OSTC: variants seen among roughly 807,000 people sequenced by gnomAD.
OSTC encodes the protein oligosaccharyltransferase complex non-catalytic subunit, also known as oligosaccharyltransferase complex subunit OSTC.
Under a neutral mutation model 16.4 loss-of-function variants are expected in OSTC, and 16 were observed. The observed-to-expected ratio is 0.98, with a 90% CI of 0.66 to 1.49. OSTC has a LOEUF of 1.49. OSTC is among the 40% of genes most tolerant of loss of function. The pLI is 0.00. For synonymous variants in OSTC, 67 were observed against 68.5 expected, an observed-to-expected ratio of 0.98 and a Z score of 0.11; for missense variants, 139 against 186.3, an observed-to-expected ratio of 0.75 and a Z score of 1.48.
chr4:108,658,320 C>G (rs952666100), intron 3 of OSTC, among the ~76,000 whole-genome samples: 3 of 152,078 alleles, frequency 2.0e-5, no homozygotes, highest in African/African-American at 7.2e-5. Context: ...AGATCACTCA[C>G]TGTTGCTGCT....
chr4:108,654,510 C>A (rs1726646358), intron 1 of OSTC, among the ~76,000 whole-genome samples: 1 of 152,114 alleles, frequency 6.6e-6, no homozygotes, highest in South Asian at 2.1e-4. Context: ...TGGGAATCTT[C>A]CTCTTTGTAG....
At chr4:108,665,895 T>C (rs1225448277) in intron 3 of OSTC, among the ~76,000 whole-genome samples, 2 of 152,022 alleles carry the variant, frequency 1.3e-5, no homozygotes, top group Admixed American at 6.6e-5. Flanking sequence ...ACATAATTTT[T>C]CCATTTTTTT....
chr4:108,652,332 C>T (rs1221332556), intron 1 of OSTC: 1 of 152,058 alleles, frequency 6.6e-6, no homozygotes, highest in African/African-American at 2.4e-5. Context: ...TAGTTTCTTT[C>T]CTGTAACCCT....
At chr4:108,665,407 CG>C (rs1726966939) in intron 3 of OSTC, among the ~76,000 whole-genome samples, 1 of 146,296 alleles carries the variant, frequency 6.8e-6, no homozygotes, top group South Asian at 2.2e-4. Flanking sequence ...AAAGAAGAGG[CG>C]TTCTGAAGCC....
intron 1 of OSTC, among the ~76,000 whole-genome samples, chr4:108,653,622 A>C (rs182517204): frequency 1.8e-4 from 28 of 152,338 alleles, no homozygotes; most frequent in Non-Finnish European, 3.8e-4. Flanking sequence ...AATAGATGGA[A>C]GTATCATTTC....
chr4:108,653,382 C>T (rs1393051994), intron 1 of OSTC, among the ~76,000 whole-genome samples: 1 of 152,038 alleles, frequency 6.6e-6, no homozygotes, highest in Non-Finnish European at 1.5e-5. Flanking sequence ...CTGAAGAGTT[C>T]GGGGAAAGGA....
intron 3 of OSTC, among the ~76,000 whole-genome samples, chr4:108,666,350 G>A (rs913963227): frequency 6.6e-6 from 1 of 152,102 alleles, no homozygotes; most frequent in African/African-American, 2.4e-5. Flanking sequence ...TTAACTTTTA[G>A]ATATCATTTT....
At chr4:108,659,522 A>G (rs1726798937) in intron 3 of OSTC, among the ~76,000 whole-genome samples, 1 of 152,142 alleles carries the variant, frequency 6.6e-6, no homozygotes, top group Non-Finnish European at 1.5e-5. Context: ...TAATCCCAGC[A>G]CTTTGGGAGG....
intron 1 of OSTC, among the ~76,000 whole-genome samples, chr4:108,655,341 C>A (rs28676941): frequency 0.77 from 117,485 of 151,894 alleles, 45,840 homozygotes; most frequent in East Asian, 1. Context: ...TGGTGGGCGC[C>A]TGTAGTCCCA....
rs371726911 is a variant in OSTC, at chr4:108,657,648, G to A, written c.431+1G>A. The A allele has an allele frequency of 1.5e-5, 24 of 1,608,664 alleles. No individual in the cohort carries two copies. The highest frequency in any genetic ancestry group is 8.0e-5 in the African/African-American group (6 of 74,786). ...GAGTATTCATGAGAATGAAACTGCC[G>A]TAAGTTATTTGTGTAATCAGCACCT... On this transcript the variant is annotated splice_donor_variant, in intron 3 of 3. Coordinates refer to ENST00000361564, the MANE Select transcript of OSTC (RefSeq NM_021227.4). LOFTEE classifies it high-confidence loss of function.
chr4:108,666,394 T>C (rs1343912345), intron 3 of OSTC, among the ~76,000 whole-genome samples: 1 of 152,092 alleles, frequency 6.6e-6, no homozygotes, highest in Non-Finnish European at 1.5e-5. Context: ...TTCTGTGTTG[T>C]TTGGCATACT....
At chr4:108,664,691 T>G (rs1409541836) in intron 3 of OSTC, among the ~76,000 whole-genome samples, 1 of 151,978 alleles carries the variant, frequency 6.6e-6, no homozygotes, top group East Asian at 1.9e-4. Context: ...CCTCCCAGGT[T>G]CAAGTGATTC....
intron 3 of OSTC, among the ~76,000 whole-genome samples, chr4:108,661,741 G>A (rs748567224): frequency 2.6e-5 from 4 of 152,090 alleles, no homozygotes; most frequent in Non-Finnish European, 4.4e-5. Context: ...GGGATTACAG[G>A]CATGTGCCAC....
At chr4:108,657,053 A>G (rs1186203910) in intron 2 of OSTC, among the ~76,000 whole-genome samples, 1 of 151,942 alleles carries the variant, frequency 6.6e-6, no homozygotes, top group East Asian at 1.9e-4. Context: ...GGCGACAGCA[A>G]GACTCAATCT....
chr4:108,650,659 G>A lies in OSTC; in HGVS notation c.4G>A (p.Glu2Lys). 6.2e-7 allele frequency: 1 copy of A among 1,614,040 alleles called. No homozygotes were observed. The highest frequency in any genetic ancestry group is 8.5e-7 in the Non-Finnish European group (1 of 1,179,960). The stretch of plus-strand genomic sequence containing the variant: ...AACGGCCCTTGCTGCCACCAACATG[G>A]AGACTTTGTACCGTGTCCCGTTCTT... M[E>K]TLYRVPFLVL... The change falls in exon 1 of 4, where the codon GAG becomes AAG. Residue 2 changes from glutamate to lysine, a missense_variant. By Grantham distance (56) the Glu-to-Lys change is moderately conservative. Transcript: ENST00000361564.
chr4:108,661,421 A>G (rs184782344), intron 3 of OSTC, among the ~76,000 whole-genome samples: 2 of 152,174 alleles, frequency 1.3e-5, no homozygotes, highest in Admixed American at 1.3e-4. Context: ...ATGCGTCTGT[A>G]TGTTCACTGC....
chr4:108,667,236 T>C lies in OSTC; in HGVS notation c.432-11T>C. The C allele has an allele frequency of 6.2e-7, 1 of 1,606,266 alleles. No individual in the cohort carries two copies. The highest frequency in any genetic ancestry group is 8.5e-7 in the Non-Finnish European group (1 of 1,175,460). ...TTTTCACTTTTTGTGCTTATAATTA[T>C]ATTTCTGCAGGGGCTATCTGATGGG... On this transcript the variant is annotated splice_polypyrimidine_tract_variant and intron_variant, in intron 3 of 3. Transcript: ENST00000361564.
chr4:108,659,681 A>G (rs1239512945), intron 3 of OSTC, among the ~76,000 whole-genome samples: 1 of 152,160 alleles, frequency 6.6e-6, no homozygotes, highest in African/African-American at 2.4e-5. Context: ...AGGCAGGAGA[A>G]TGGCGTGAAC....
At chr4:108,659,416 G>A (rs1359535245) in intron 3 of OSTC, among the ~76,000 whole-genome samples, 2 of 151,986 alleles carry the variant, frequency 1.3e-5, no homozygotes, top group South Asian at 2.1e-4. Flanking sequence ...CTGGTAAGGT[G>A]TACTTGTATA....
Sources: gnomAD v4.1 joint callset for allele counts (sites outside exome capture counted in the v4.1 genomes callset) on GRCh38, gnomAD v4.1.1 for gene constraint, MANE v1.5 for transcripts, NCBI Gene and HGNC (gene_info 2026-07-23, HGNC 2026-07-21) for gene names.